Variants in FSTL5 observed in about 807,000 individuals in gnomAD.
FSTL5 encodes follistatin-related protein 5.
FSTL5 carries 62 observed loss-of-function variants against 89.1 expected under a neutral mutation model. The ratio of observed to expected loss-of-function variants is 0.70; its 90% confidence interval spans 0.57 to 0.86. The LOEUF (loss-of-function observed/expected upper bound fraction) is 0.86, where lower values mean the gene tolerates loss of function less well. FSTL5 is among the 40% of genes least tolerant of loss of function. FSTL5 has a pLI of 0.00. For synonymous variants in FSTL5, 383 were observed against 346.2 expected (o/e 1.11, Z -1.18); for missense variants, 1,057 against 1,001.6 (o/e 1.06, Z -0.75).
At position 161,494,225 on chromosome 4, in the gene FSTL5, C is replaced by G. The variant is rs575297743; in HGVS notation, c.1458+5791G>C. ...CTGTATAACTCTCTGTAAGTTAAGC[C>G]ATGTTTGAAAAGAGACACCCTGAGA... On this transcript the variant is annotated intron_variant, in intron 12 of 15. Coordinates refer to ENST00000306100, the MANE Select transcript of FSTL5 (RefSeq NM_020116.5). Among the ~76,000 whole-genome samples the G allele has an allele frequency of 1.1e-3, 166 of 152,002 alleles. 1 individual carries two copies. Among genetic ancestry groups the G allele is most frequent in the Non-Finnish European group, 1.6e-3 (111 of 67,968 alleles).
intron 6 of FSTL5, among the ~76,000 whole-genome samples, chr4:161,737,716 G>A (rs1739866586): frequency 1.3e-5 from 2 of 151,740 alleles, no homozygotes; most frequent in Admixed American, 6.6e-5. Flanking sequence ...TCCAAACTGA[G>A]AAACACCATT....
At chr4:161,414,376 G>A (rs1485194807) in intron 15 of FSTL5, among the ~76,000 whole-genome samples, 3 of 152,064 alleles carry the variant, frequency 2.0e-5, no homozygotes, top group Non-Finnish European at 4.4e-5. Context: ...TAGTCATTAG[G>A]AGTAGAAATA....
chr4:162,036,289 T>A (rs1737736647), intron 2 of FSTL5, among the ~76,000 whole-genome samples: 1 of 152,128 alleles, frequency 6.6e-6, no homozygotes, highest in Admixed American at 6.6e-5. Flanking sequence ...CTTCCCTTAC[T>A]TTCTTGACCA....
chr4:161,470,048 C>G (rs1733881904), intron 13 of FSTL5, among the ~76,000 whole-genome samples: 1 of 151,768 alleles, frequency 6.6e-6, no homozygotes, highest in African/African-American at 2.4e-5. Flanking sequence ...GTGGGTTGTC[C>G]TTTTACTTTT....
chr4:161,547,304 G>A (rs1486073563), intron 8 of FSTL5, among the ~76,000 whole-genome samples: 1 of 151,936 alleles, frequency 6.6e-6, no homozygotes, highest in African/African-American at 2.4e-5. Context: ...CAAATTATTT[G>A]ATTATTTCAT....
At chr4:161,740,926 T>C (rs191843309) in intron 6 of FSTL5, among the ~76,000 whole-genome samples, 1 of 152,234 alleles carries the variant, frequency 6.6e-6, no homozygotes, top group East Asian at 1.9e-4. Flanking sequence ...CACTTCCTGG[T>C]TCATAGATGC....
intron 4 of FSTL5, among the ~76,000 whole-genome samples, chr4:161,833,295 T>C (rs1407912899): frequency 3.3e-5 from 5 of 152,120 alleles, no homozygotes; most frequent in Admixed American, 3.3e-4. Context: ...AGAGCTTTAC[T>C]TCCAACTATG....
intron 2 of FSTL5, among the ~76,000 whole-genome samples, chr4:162,109,522 C>T (rs531244456): frequency 1.1e-4 from 17 of 152,192 alleles, no homozygotes; most frequent in Non-Finnish European, 2.5e-4. Context: ...TAGAAGGTGA[C>T]TTCAATGATT....
chr4:161,415,729 T>C, intron 15 of FSTL5, among the ~76,000 whole-genome samples: 1 of 146,678 alleles, frequency 6.8e-6, no homozygotes, highest in East Asian at 2.0e-4. Context: ...ATGGGAGATA[T>C]ATATATGTAT....
intron 3 of FSTL5, among the ~76,000 whole-genome samples, chr4:162,010,309 G>T (rs1031872090): frequency 6.6e-6 from 1 of 151,936 alleles, no homozygotes; most frequent in African/African-American, 2.4e-5. Context: ...TAAAAAGCAC[G>T]CTCACTTAAG....
At chr4:161,542,308 TA>T (rs1169988779) in intron 9 of FSTL5, among the ~76,000 whole-genome samples, 9 of 152,164 alleles carry the variant, frequency 5.9e-5, no homozygotes, top group African/African-American at 1.4e-4. Flanking sequence ...ATCACCAAAA[TA>T]ATGACATAAT....
intron 6 of FSTL5, among the ~76,000 whole-genome samples, chr4:161,735,334 G>A (rs1739773347): frequency 6.6e-6 from 1 of 152,076 alleles, no homozygotes. Context: ...TGAGCTCCCT[G>A]AACCCTGTGC....
At chr4:161,670,751 A>G (rs1422180660) in intron 6 of FSTL5, among the ~76,000 whole-genome samples, 1 of 152,182 alleles carries the variant, frequency 6.6e-6, no homozygotes, top group Non-Finnish European at 1.5e-5. Flanking sequence ...CTGGCTGTTC[A>G]TTTTGGCAAT....
In FSTL5 at chr4:161,672,216, C is replaced by T. The variant is rs1344231551; in HGVS notation, c.728-15722G>A. Among the ~76,000 whole-genome samples, 4 of 152,256 alleles carry T rather than the reference C, an allele frequency of 2.6e-5. No individual in the cohort carries two copies. In the East Asian group the frequency reaches 5.8e-4, roughly 22 times the overall value. ...TATTTCCCTCTGCCTGACTCAACTT[C>T]AGACAGGTTTGCTCCTCTGACCTCC... On this transcript the variant is annotated intron_variant, in intron 6 of 15. Transcript: ENST00000306100.
intron 15 of FSTL5, among the ~76,000 whole-genome samples, chr4:161,452,828 A>G (rs533821750): frequency 2.0e-5 from 3 of 152,338 alleles, no homozygotes; most frequent in Non-Finnish European, 2.9e-5. Flanking sequence ...TTCACTGCAC[A>G]TTCCTCAAAG....
At chr4:162,007,771 TCTAG>T (rs1206711089) in intron 3 of FSTL5, among the ~76,000 whole-genome samples, 1 of 151,874 alleles carries the variant, frequency 6.6e-6, no homozygotes, top group Non-Finnish European at 1.5e-5. Flanking sequence ...TGCAATGCTG[TCTAG>T]CAAAACATAA....
intron 3 of FSTL5, among the ~76,000 whole-genome samples, chr4:161,928,243 T>C (rs189097211): frequency 1.7e-3 from 252 of 151,946 alleles, no homozygotes; most frequent in African/African-American, 4.5e-3. Flanking sequence ...TCCTAGCTCA[T>C]TTCTCTTAAC....
At chr4:161,431,108 A>T (rs1732349759) in intron 15 of FSTL5, among the ~76,000 whole-genome samples, 1 of 152,196 alleles carries the variant, frequency 6.6e-6, no homozygotes, top group South Asian at 2.1e-4. Flanking sequence ...AATCATCTGA[A>T]GGAACAAGCT....
At chr4:161,528,118 G>A (rs1306535990) in intron 10 of FSTL5, among the ~76,000 whole-genome samples, 2 of 114,914 alleles carry the variant, frequency 1.7e-5, no homozygotes, top group Admixed American at 1.1e-4. Flanking sequence ...ACACAGGAAG[G>A]GGAACATCAT....
Sources: allele counts gnomAD v4.1 joint callset (sites outside exome capture counted in the v4.1 genomes callset), GRCh38; gene constraint gnomAD v4.1.1; transcripts MANE v1.5; gene names NCBI Gene and HGNC (gene_info 2026-07-23, HGNC 2026-07-21).